Variants in ARHGAP6 observed in about 807,000 individuals in gnomAD.
ARHGAP6 encodes the protein Rho GTPase activating protein 6, also known as rho GTPase-activating protein 6.
ARHGAP6 carries 16 observed loss-of-function variants against 55.7 expected under a neutral mutation model. The observed-to-expected ratio is 0.29, with a 90% CI of 0.19 to 0.44. ARHGAP6 has a LOEUF of 0.44. Ranked by LOEUF, ARHGAP6 falls within the 20% of genes least tolerant of loss-of-function variation. The pLI is 1.00. For missense variants in ARHGAP6, 698 were observed against 808.9 expected (o/e 0.86, Z 1.66); for synonymous variants, 382 against 360.9 (o/e 1.06, Z -0.66).
chrX:11,565,730 CT>C (rs1363253662), intron 1 of ARHGAP6, among the ~76,000 whole-genome samples: 1 of 112,465 alleles, frequency 8.9e-6, no homozygotes, highest in Non-Finnish European at 1.9e-5. Flanking sequence ...ATAAATCTTT[CT>C]TCTTGAAATA....
chrX:11,651,609 A>C (rs2052584989), intron 1 of ARHGAP6, among the ~76,000 whole-genome samples: 1 of 111,730 alleles, frequency 9.0e-6, no homozygotes, highest in East Asian at 2.8e-4. Flanking sequence ...AGGGATGTGC[A>C]TGTATCTTTA....
intron 10 of ARHGAP6, among the ~76,000 whole-genome samples, chrX:11,147,896 A>G (rs187658358): frequency 7.1e-5 from 8 of 112,418 alleles, no homozygotes; most frequent in African/African-American, 2.3e-4. Context: ...CTTTCAGGCT[A>G]CAACTGTCAG....
intron 1 of ARHGAP6, among the ~76,000 whole-genome samples, chrX:11,407,584 T>G (rs2049626022): frequency 8.9e-6 from 1 of 112,081 alleles, no homozygotes; most frequent in Non-Finnish European, 1.9e-5. Context: ...TTTTTCAAAG[T>G]GGCTGCAGCA....
chrX:11,162,664 C>T (rs1249027946), intron 9 of ARHGAP6, among the ~76,000 whole-genome samples: 1 of 109,676 alleles, frequency 9.1e-6, no homozygotes, highest in Non-Finnish European at 1.9e-5. Flanking sequence ...GGATTATGGA[C>T]TGCATGTGTT....
At chrX:11,222,021 C>A (rs185182363) in intron 2 of ARHGAP6, among the ~76,000 whole-genome samples, 1 of 110,936 alleles carries the variant, frequency 9.0e-6, no homozygotes, top group Admixed American at 9.7e-5. Context: ...ATTTTGTTTT[C>A]TTTAAAGTAT....
intron 1 of ARHGAP6, among the ~76,000 whole-genome samples, chrX:11,442,209 C>A (rs1170011789): frequency 9.1e-6 from 1 of 109,686 alleles, no homozygotes; most frequent in Non-Finnish European, 1.9e-5. Flanking sequence ...CTTTATAACT[C>A]CCCACCGGCA....
intron 1 of ARHGAP6, among the ~76,000 whole-genome samples, chrX:11,366,095 T>C (rs1280218045): frequency 9.0e-6 from 1 of 111,514 alleles, no homozygotes; most frequent in Non-Finnish European, 1.9e-5. Context: ...ACCTAATCAC[T>C]CCCCAAAGGC....
chrX:11,482,708 C>T (rs1028265488), intron 1 of ARHGAP6, among the ~76,000 whole-genome samples: 3 of 111,417 alleles, frequency 2.7e-5, no homozygotes, highest in East Asian at 5.6e-4. Flanking sequence ...CTAACAGGCT[C>T]TTACTCCAAA....
intron 1 of ARHGAP6, among the ~76,000 whole-genome samples, chrX:11,483,646 T>TA (rs1387024599): frequency 2.5e-5 from 2 of 80,473 alleles, no homozygotes; most frequent in East Asian, 8.3e-4. Flanking sequence ...AATCAAATGT[T>TA]TTTTTTTTTT....
chrX:11,259,690 A>T (rs1187615520), intron 1 of ARHGAP6, among the ~76,000 whole-genome samples: 1 of 111,537 alleles, frequency 9.0e-6, no homozygotes, highest in Non-Finnish European at 1.9e-5. Context: ...CATAATCCTT[A>T]TTTTTTCACT....
At chrX:11,249,373 G>A (rs773779605) in intron 2 of ARHGAP6, among the ~76,000 whole-genome samples, 1 of 111,475 alleles carries the variant, frequency 9.0e-6, no homozygotes, top group African/African-American at 3.3e-5. Flanking sequence ...CACCACTAAA[G>A]AACTTATTCG....
intron 1 of ARHGAP6, among the ~76,000 whole-genome samples, chrX:11,591,053 G>A (rs1395294261): frequency 2.8e-5 from 3 of 108,376 alleles, no homozygotes; most frequent in African/African-American, 6.7e-5. Flanking sequence ...TTAGCCGGGC[G>A]TGGTGGCGGG....
In ARHGAP6 at chrX:11,137,713, T is replaced by G. The variant is rs749660940; in HGVS notation, c.*1150A>C. On this transcript the variant is annotated 3_prime_UTR_variant, in exon 13 of 13. Transcript: ENST00000337414. ...AGTGAAAAAAAATTGCATAAAATAC[T>G]GAAGCGTATCGCCATCTGCTGGTCA... The G allele has an allele frequency of 4.5e-4, 50 of 111,984 alleles. No homozygotes were observed. Among genetic ancestry groups the G allele is most frequent in the African/African-American group, 1.6e-3 (48 of 30,703 alleles). 9.2% of individuals were successfully genotyped at this position (111,984 alleles called of 1,213,427 possible). A position where few individuals can be genotyped will look rare whatever the true frequency, so the allele number is the denominator to read the frequency against.
At chrX:11,660,309 C>T (rs1287431696) in intron 1 of ARHGAP6, among the ~76,000 whole-genome samples, 2 of 109,190 alleles carry the variant, frequency 1.8e-5, no homozygotes, top group East Asian at 5.8e-4. Flanking sequence ...GCCTGTAATC[C>T]TAGCACTTTG....
intron 8 of ARHGAP6, among the ~76,000 whole-genome samples, chrX:11,171,297 C>A (rs2046087486): frequency 9.1e-6 from 1 of 110,105 alleles, no homozygotes; most frequent in African/African-American, 3.3e-5. Context: ...TATACATGTA[C>A]ACCTGATATT....
chrX:11,586,431 C>T (rs771559234), intron 1 of ARHGAP6, among the ~76,000 whole-genome samples: 55 of 111,594 alleles, frequency 4.9e-4, no homozygotes, highest in African/African-American at 1.4e-3. Context: ...AATAGGGAGT[C>T]CTTTCCCCAT....
chrX:11,226,205 A>C (rs2047046232), intron 2 of ARHGAP6, among the ~76,000 whole-genome samples: 1 of 95,607 alleles, frequency 1.0e-5, no homozygotes, highest in African/African-American at 4.1e-5. Context: ...ATGTGATCTC[A>C]TTGTTCAATT....
intron 1 of ARHGAP6, among the ~76,000 whole-genome samples, chrX:11,559,438 G>C (rs1226096429): frequency 9.0e-6 from 1 of 111,064 alleles, no homozygotes; most frequent in Non-Finnish European, 1.9e-5. Context: ...AATATGGAGG[G>C]TTCCTCCTCC....
chrX:11,330,128 A>C (rs1356120681), intron 1 of ARHGAP6, among the ~76,000 whole-genome samples: 1 of 113,105 alleles, frequency 8.8e-6, no homozygotes, highest in Admixed American at 9.3e-5. Flanking sequence ...GCACATCTCA[A>C]GGTGTTCCAC....
Sources: gnomAD v4.1 joint callset for allele counts (sites outside exome capture counted in the v4.1 genomes callset) on GRCh38, gnomAD v4.1.1 for gene constraint, MANE v1.5 for transcripts, NCBI Gene and HGNC (gene_info 2026-07-23, HGNC 2026-07-21) for gene names.